Variants in FECH observed in about 807,000 individuals in gnomAD.
The protein encoded by FECH is ferrochelatase, mitochondrial.
In FECH, 40 loss-of-function variants were observed where a neutral mutation model predicts 56.9. The ratio of observed to expected loss-of-function variants is 0.70; its 90% CI spans 0.55 to 0.92. The LOEUF (loss-of-function observed/expected upper bound fraction) is 0.92. Among genes scored for constraint, FECH ranks in the 40% least tolerant of loss-of-function variants. The pLI, the probability that FECH is intolerant of heterozygous loss-of-function variation, is 0.00. For synonymous variants in FECH, 175 were observed against 198.6 expected (o/e 0.88, Z 1.00); for missense variants, 431 against 529.1 (o/e 0.81, Z 1.82).
intron 6 of FECH, 58 bp downstream of exon 6, chr18:57,562,816 G>A: frequency 7.4e-7 from 1 of 1,351,130 alleles, no homozygotes. Flanking sequence ...CAGAAGGGAT[G>A]AGAAGCTGAT....
At chr18:57,558,223 A>C (rs917774457) in intron 7 of FECH, among the ~76,000 whole-genome samples, 2 of 152,238 alleles carry the variant, frequency 1.3e-5, no homozygotes, top group African/African-American at 4.8e-5. Context: ...GCTAGTTCTG[A>C]GCAGATGAAA....
chr18:57,562,826 T>C, intron 6 of FECH, 48 bp downstream of exon 6: 1 of 1,455,714 alleles, frequency 6.9e-7, no homozygotes, highest in Non-Finnish European at 9.7e-7. Context: ...GAGAAGCTGA[T>C]TCACACTAGA....
chr18:57,550,459 G>A lies in FECH; in HGVS notation c.*253C>T. 2.2e-6 allele frequency: 1 copy of A among 453,906 alleles called. No homozygotes were observed. Among genetic ancestry groups the A allele is most frequent in the South Asian group, 2.4e-5 (1 of 41,388 alleles). The allele number at this position is 453,906 out of a possible 1,614,324, so 28.1% of individuals were successfully genotyped here. On this transcript the variant is annotated 3_prime_UTR_variant, in exon 11 of 11. Coordinates refer to ENST00000262093, the MANE Select transcript of FECH (RefSeq NM_000140.5). ...CAAATTTTTAACTCATTTATTAAAG[G>A]TCCTGATGGACATTCCAAACTAGTA...
chr18:57,563,160 G>A (rs1205697667), intron 5 of FECH, among the ~76,000 whole-genome samples, 180 bp from the exon 6 acceptor site: 1 of 152,122 alleles, frequency 6.6e-6, no homozygotes, highest in African/African-American at 2.4e-5. Context: ...TGCAAATGAA[G>A]ATCACTAAAA....
At chr18:57,566,605 GGA>G (rs2051020227) in intron 4 of FECH, 24 bp from the exon 5 acceptor site, 15 of 1,613,798 alleles carry the variant, frequency 9.3e-6, no homozygotes, top group Non-Finnish European at 1.2e-5. Flanking sequence ...CATGTGGAAA[GGA>G]GAAAGTGTTA....
chr18:57,573,421 G>A, intron 2 of FECH, 56 bp from the exon 3 acceptor site: 1 of 1,603,858 alleles, frequency 6.2e-7, no homozygotes, highest in Non-Finnish European at 8.5e-7. Flanking sequence ...TTCTTCCAGG[G>A]TGGACTCTTG....
intron 6 of FECH, among the ~76,000 whole-genome samples, chr18:57,559,954 A>C (rs2050920611): frequency 6.6e-6 from 1 of 152,308 alleles, no homozygotes; most frequent in Non-Finnish European, 1.5e-5. Context: ...TCTAGCCGGC[A>C]CTTTGATTCA....
At chr18:57,564,126 C>T (rs2050986014) in intron 5 of FECH, among the ~76,000 whole-genome samples, 1 of 152,198 alleles carries the variant, frequency 6.6e-6, no homozygotes, top group South Asian at 2.1e-4. Flanking sequence ...GATCTGCCCG[C>T]CTGGGCCTCC....
chr18:57,554,730 A>C, intron 8 of FECH, 115 bp downstream of exon 8: 2 of 859,096 alleles, frequency 2.3e-6, no homozygotes, highest in Non-Finnish European at 3.9e-6. Context: ...ATGGTGAGCA[A>C]TCAGGTTATG....
At chr18:57,558,181 T>C (rs1264442898) in intron 7 of FECH, among the ~76,000 whole-genome samples, 1 of 152,244 alleles carries the variant, frequency 6.6e-6, no homozygotes, top group Admixed American at 6.5e-5. Context: ...TCCACCTCTC[T>C]GGGTTGGAAA....
rs780466392 is a variant in FECH, at chr18:57,586,579, G to C, written c.42C>G (p.Ala14=). The change falls in exon 1 of 11, where the codon GCC becomes GCG. Residue 14 remains alanine, a synonymous_variant. Coordinates refer to ENST00000262093, the MANE Select transcript of FECH (RefSeq NM_000140.5). ...GCGGATCGCGGAGCAGGACGCCCGC[G>C]GCGCGCAGGGCCGCAGCCATGTTTG... The part of the protein sequence containing the change: ...LGANMAAALR[A]AGVLLRDPLA... 8 of 1,521,852 alleles carry C rather than the reference G, an allele frequency of 5.3e-6. No individual in the cohort carries two copies. Among genetic ancestry groups the C allele is most frequent in the Non-Finnish European group, 7.0e-6 (8 of 1,141,572 alleles). 94.3% of individuals were successfully genotyped at this position (1,521,852 alleles called of 1,614,324 possible).
chr18:57,569,207 T>C (rs2051060851), intron 4 of FECH, among the ~76,000 whole-genome samples: 1 of 152,256 alleles, frequency 6.6e-6, no homozygotes, highest in Non-Finnish European at 1.5e-5. Context: ...ATCACATGAT[T>C]ACACTTCTCA....
chr18:57,586,076 CCCG>C (rs2051367540), intron 1 of FECH: 1 of 156,222 alleles, frequency 6.4e-6, no homozygotes, highest in Non-Finnish European at 1.4e-5. Flanking sequence ...CACGGGGGGT[CCCG>C]CTGCTAAGGA....
At chr18:57,583,233 G>C (rs2051313222) in intron 1 of FECH, among the ~76,000 whole-genome samples, 1 of 152,152 alleles carries the variant, frequency 6.6e-6, no homozygotes, top group African/African-American at 2.4e-5. Flanking sequence ...ATTCGTCCAG[G>C]CTAAAGGAGT....
rs1332449717 is a variant in FECH, at chr18:57,549,245, T to A, written c.*1467A>T. 6.6e-6 allele frequency: 1 copy of A among 152,176 alleles called. No individual in the cohort carries two copies. The highest frequency in any genetic ancestry group is 1.5e-5 in the Non-Finnish European group (1 of 68,020). 9.4% of individuals were successfully genotyped at this position (152,176 alleles called of 1,614,324 possible). On this transcript the variant is annotated 3_prime_UTR_variant, in exon 11 of 11. Coordinates refer to ENST00000262093, the MANE Select transcript of FECH (RefSeq NM_000140.5). ...ACTCAAGTGGATGACATGTTTCTTT[T>A]CCTGTATTAAAAAAGCTCCTCACAT...
Position 57,551,296 on chromosome 18 carries a change from A to G in FECH, c.1137+19T>C. 1 of 1,585,990 alleles carries G rather than the reference A, an allele frequency of 6.3e-7. No individual in the cohort carries two copies. The highest frequency in any genetic ancestry group is 8.7e-7 in the Non-Finnish European group (1 of 1,154,626). On this transcript the variant is annotated intron_variant, in intron 10 of 10. Coordinates refer to ENST00000262093, the MANE Select transcript of FECH (RefSeq NM_000140.5). ...CTCTCTGGTATGTTCTACTAAAACG[A>G]TTGTAACACTGTAGATACCTTAGAG... is the stretch of plus-strand genomic sequence containing the variant.
At chr18:57,586,465 G>T in intron 1 of FECH, 89 bp downstream of exon 1, 1 of 1,382,542 alleles carries the variant, frequency 7.2e-7, no homozygotes, top group South Asian at 1.3e-5. Flanking sequence ...GAATCCCCCG[G>T]GCGCGAGGGC....
chr18:57,561,897 C>A (rs1180149812), intron 6 of FECH, among the ~76,000 whole-genome samples: 1 of 152,204 alleles, frequency 6.6e-6, no homozygotes. Flanking sequence ...ACTACACCCA[C>A]CCCTAAGGGT....
intron 1 of FECH, among the ~76,000 whole-genome samples, chr18:57,585,476 T>C (rs2051354625): frequency 6.6e-6 from 1 of 152,240 alleles, no homozygotes; most frequent in Non-Finnish European, 1.5e-5. Flanking sequence ...ATTAGTTCAA[T>C]ACTTCTTTCA....
Sources: gnomAD v4.1 joint callset for allele counts (sites outside exome capture counted in the v4.1 genomes callset) on GRCh38, gnomAD v4.1.1 for gene constraint, MANE v1.5 for transcripts, NCBI Gene and HGNC (gene_info 2026-07-23, HGNC 2026-07-21) for gene names.